Variants in GABRB2 observed in about 807,000 individuals in gnomAD.
GABRB2 encodes gamma-aminobutyric acid receptor subunit beta-2.
In GABRB2, 16 loss-of-function variants were observed where a neutral mutation model predicts 54.7. The ratio of observed to expected loss-of-function variants is 0.29; its 90% CI spans 0.20 to 0.44. The LOEUF is 0.44. Ranked by LOEUF, GABRB2 falls within the 20% of genes least tolerant of loss-of-function variation. The probability of loss-of-function intolerance (pLI) is 1.00; values close to 1 mark genes in which losing one functional copy is unlikely to be tolerated. For synonymous variants in GABRB2, 244 were observed against 233.8 expected (o/e 1.04, Z -0.40); for missense variants, 355 against 644.0 (o/e 0.55, Z 4.86).
intron 4 of GABRB2, among the ~76,000 whole-genome samples, chr5:161,437,806 C>T (rs1175263264): frequency 6.6e-6 from 1 of 152,118 alleles, no homozygotes; most frequent in Non-Finnish European, 1.5e-5. Context: ...GTGAGGCTAT[C>T]CTGCCATTGG....
chr5:161,546,479 ATCCCTACTACATT>A (rs1760989244), intron 1 of GABRB2, 66 bp from the exon 2 acceptor site: 1 of 1,572,714 alleles, frequency 6.4e-7, no homozygotes, highest in South Asian at 1.1e-5. Context: ...TCAGCATCGG[ATCCCTACTACATT>A]TCCCTGCTCA....
intron 5 of GABRB2, among the ~76,000 whole-genome samples, chr5:161,404,146 A>T (rs1756282183): frequency 6.6e-6 from 1 of 152,182 alleles, no homozygotes; most frequent in African/African-American, 2.4e-5. Flanking sequence ...CAACATGCAC[A>T]TCCAAGCACT....
At chr5:161,357,989 C>T (rs1189279436) in intron 5 of GABRB2, among the ~76,000 whole-genome samples, 1 of 152,106 alleles carries the variant, frequency 6.6e-6, no homozygotes, top group Non-Finnish European at 1.5e-5. Flanking sequence ...TCAGTGCAAT[C>T]AGCATACTGA....
intron 3 of GABRB2, among the ~76,000 whole-genome samples, chr5:161,482,916 C>T (rs552071901): frequency 8.5e-5 from 13 of 152,148 alleles, no homozygotes; most frequent in African/African-American, 2.9e-4. Context: ...TTTTACATAT[C>T]ATCAGCCTAG....
chr5:161,373,975 C>T (rs1755208860), intron 5 of GABRB2, among the ~76,000 whole-genome samples: 1 of 151,782 alleles, frequency 6.6e-6, no homozygotes, highest in Admixed American at 6.6e-5. Context: ...CTGAGTTTTG[C>T]TCGTGTTGCC....
intron 3 of GABRB2, among the ~76,000 whole-genome samples, chr5:161,542,016 A>G (rs935737494): frequency 1.3e-5 from 2 of 152,166 alleles, no homozygotes; most frequent in African/African-American, 2.4e-5. Flanking sequence ...AATTGGCCCA[A>G]TTTCCATATT....
At chr5:161,363,565 G>A (rs930854187) in intron 5 of GABRB2, among the ~76,000 whole-genome samples, 8 of 152,062 alleles carry the variant, frequency 5.3e-5, no homozygotes, top group African/African-American at 1.7e-4. Context: ...AGCTGAGCAT[G>A]GTGGCCCATG....
intron 3 of GABRB2, among the ~76,000 whole-genome samples, chr5:161,530,053 T>C (rs1194995373): frequency 6.6e-6 from 1 of 152,076 alleles, no homozygotes; most frequent in East Asian, 1.9e-4. Context: ...TCTGGATCCC[T>C]CTGTCTCTGT....
intron 3 of GABRB2, among the ~76,000 whole-genome samples, chr5:161,537,844 CT>C (rs1561686401): frequency 6.6e-6 from 1 of 152,116 alleles, no homozygotes; most frequent in Non-Finnish European, 1.5e-5. Context: ...AACACCAAAT[CT>C]ACCCTTTCCT....
intron 3 of GABRB2, among the ~76,000 whole-genome samples, chr5:161,463,549 T>TATA (rs1758180520): frequency 1.8e-5 from 1 of 54,500 alleles, no homozygotes; most frequent in Non-Finnish European, 3.0e-5. Flanking sequence ...TTCCAAATAT[T>TATA]TTTATTTATA....
At chr5:161,425,298 C>A (rs1385359113) in intron 4 of GABRB2, among the ~76,000 whole-genome samples, 3 of 152,084 alleles carry the variant, frequency 2.0e-5, no homozygotes, top group Non-Finnish European at 4.4e-5. Flanking sequence ...ACAGAGAAAT[C>A]TTTTGTGAAA....
chr5:161,308,267 G>A (rs572664878), intron 9 of GABRB2, among the ~76,000 whole-genome samples: 2 of 152,124 alleles, frequency 1.3e-5, no homozygotes, highest in Non-Finnish European at 2.9e-5. Context: ...TTTAGGTGTA[G>A]GCCTGATTGT....
At chr5:161,342,426 T>C (rs1754202314) in intron 5 of GABRB2, among the ~76,000 whole-genome samples, 1 of 152,076 alleles carries the variant, frequency 6.6e-6, no homozygotes, top group Non-Finnish European at 1.5e-5. Flanking sequence ...TAATCTGTAA[T>C]GTGTTTCATG....
At chr5:161,500,885 C>T (rs1376119441) in intron 3 of GABRB2, among the ~76,000 whole-genome samples, 2 of 151,882 alleles carry the variant, frequency 1.3e-5, no homozygotes, top group East Asian at 3.9e-4. Context: ...GCACATTGTG[C>T]AGGTTAGTTA....
At chr5:161,362,753 G>A (rs1754851129) in intron 5 of GABRB2, among the ~76,000 whole-genome samples, 1 of 152,108 alleles carries the variant, frequency 6.6e-6, no homozygotes, top group South Asian at 2.1e-4. Flanking sequence ...AGACATTTAT[G>A]CAGCCAACAA....
chr5:161,347,005 G>A (rs1279762932), intron 5 of GABRB2, among the ~76,000 whole-genome samples: 2 of 152,052 alleles, frequency 1.3e-5, no homozygotes, highest in Non-Finnish European at 2.9e-5. Flanking sequence ...AACTTCGGAG[G>A]TGGACAGCAG....
chr5:161,429,781 A>G (rs77773956), intron 4 of GABRB2, among the ~76,000 whole-genome samples: 6,120 of 152,228 alleles, frequency 0.04, 162 homozygotes, highest in Middle Eastern at 0.075. Context: ...AGACGCATAG[A>G]GGGCAGGCTT....
intron 9 of GABRB2, among the ~76,000 whole-genome samples, chr5:161,313,318 A>T (rs886800401): frequency 6.6e-6 from 1 of 152,144 alleles, no homozygotes; most frequent in African/African-American, 2.4e-5. Flanking sequence ...CTGTAATTCT[A>T]TGGTAGACAC....
At chr5:161,393,987 T>G (rs6864191) in intron 5 of GABRB2, among the ~76,000 whole-genome samples, 1 of 152,026 alleles carries the variant, frequency 6.6e-6, no homozygotes, top group African/African-American at 2.4e-5. Context: ...AGATGGACAA[T>G]TCTCCATAAA....
Sources: allele counts gnomAD v4.1 joint callset (sites outside exome capture counted in the v4.1 genomes callset), GRCh38; gene constraint gnomAD v4.1.1; transcripts MANE v1.5; gene names NCBI Gene and HGNC (gene_info 2026-07-23, HGNC 2026-07-21).